LSS: variants seen among roughly 807,000 people sequenced by gnomAD.
LSS encodes 2,3-epoxysqualene-lanosterol cyclase.
Under a neutral mutation model 110.3 loss-of-function variants are expected in LSS, and 90 were observed. The observed-to-expected ratio is 0.82, with a 90% confidence interval of 0.69 to 0.97. The LOEUF (loss-of-function observed/expected upper bound fraction) is 0.97, where lower values mean the gene tolerates loss of function less well. LSS is among the 50% of genes least tolerant of loss of function. The pLI, the probability that LSS is intolerant of heterozygous loss-of-function variation, is 0.00. For synonymous variants in LSS, 433 were observed against 400.0 expected, an observed-to-expected ratio of 1.08 and a Z score of -0.98; for missense variants, 927 against 990.0, an observed-to-expected ratio of 0.94 and a Z score of 0.85.
In LSS at chr21:46,215,256, C is replaced by T. The variant is rs763440644; in HGVS notation, c.935G>A (p.Arg312Gln). 7 of 1,610,984 alleles carry T rather than the reference C, an allele frequency of 4.3e-6. No individual in the cohort carries two copies. Among genetic ancestry groups the T allele is most frequent in the Admixed American group, 1.7e-5 (1 of 59,988 alleles). ...ATACAGCTTCTGCACGGCCCGCTGC[C>T]GCAGGTGGGCACTGTGGTGGTGCTC... ...LYEHHHSAHL[R>Q]QRAVQKLYEH... The change falls in exon 9 of 22, where the codon CGG becomes CAG. Residue 312 changes from arginine to glutamine, a missense_variant. Coordinates refer to ENST00000397728, the MANE Select transcript of LSS (RefSeq NM_002340.6).
intron 19 of LSS, 124 bp downstream of exon 19, chr21:46,195,551 GA>G: frequency 1.1e-6 from 1 of 914,844 alleles, no homozygotes; most frequent in Non-Finnish European, 1.7e-6. Context: ...GACAGAGCGA[GA>G]CTCCGTCTCA....
At position 46,228,510 on chromosome 21, in the gene LSS, G is replaced by T; in HGVS notation, c.104C>A (p.Thr35Lys). The change falls in exon 2 of 22, where the codon ACG (threonine) becomes AAG (lysine). Residue 35 changes from threonine to lysine, a missense_variant. Transcript: ENST00000397728. ...WRLNCERGRQ[T>K]WTYLQDERAG... ...GCGCTCGTCCTGCAGGTAGGTCCAC[G>T]TCTGCCGGCCCCTCTCGCAGTTGAG... 6.2e-7 allele frequency: 1 copy of T among 1,602,004 alleles called. No individual in the cohort carries two copies.
chr21:46,204,351 T>A lies in LSS; in HGVS notation c.1670+1485A>T, dbSNP rs141973636. Among the ~76,000 whole-genome samples the A allele has an allele frequency of 3.5e-3, 531 of 151,112 alleles. 2 individuals are homozygous for A. Among genetic ancestry groups the A allele is most frequent in the Admixed American group, 6.6e-3 (101 of 15,218 alleles). On this transcript the variant is annotated intron_variant, in intron 17 of 21. Coordinates refer to ENST00000397728, the MANE Select transcript of LSS (RefSeq NM_002340.6). The stretch of plus-strand genomic sequence containing the variant: ...CAATAGAAATTGATGAAACCAAAAA[T>A]AAAGTCTCTTTAAAAACAGAATCAA...
chr21:46,220,078 G>A (rs2839155), intron 5 of LSS, among the ~76,000 whole-genome samples: 72,420 of 152,062 alleles, frequency 0.48, 18,083 homozygotes, highest in East Asian at 0.68. Context: ...GAGTAGCTCC[G>A]GCACGCTGGC....
chr21:46,189,762 T>C lies in LSS; in HGVS notation c.*1342A>G, dbSNP rs933376541. 6.6e-6 allele frequency: 3 copies of C among 456,628 alleles called. No homozygotes were observed. The East Asian group carries it at 2.1e-4, about 32-fold the overall frequency. The allele number at this position is 456,628 out of a possible 1,614,324, so 28.3% of individuals were successfully genotyped here. A position where few individuals can be genotyped will look rare whatever the true frequency, so the allele number is the denominator to read the frequency against. The stretch of plus-strand genomic sequence containing the variant: ...AGGCGGCAGGGAGGGGAAGAGCAGA[T>C]AAGGAGGTATAGGGTGTGCCCTGGG... On this transcript the variant is annotated 3_prime_UTR_variant, in exon 22 of 22. Coordinates refer to ENST00000397728, the MANE Select transcript of LSS (RefSeq NM_002340.6).
rs979556370 is a variant in LSS at position 46,191,246 on chromosome 21, A to C, written c.2068-11T>G. The C allele has an allele frequency of 6.2e-7, 1 of 1,613,916 alleles. No homozygotes were observed. The highest frequency in any genetic ancestry group is 1.7e-5 in the Admixed American group (1 of 60,008). On this transcript the variant is annotated splice_polypyrimidine_tract_variant and intron_variant, in intron 21 of 21. Transcript: ENST00000397728. ...CCCAGCAATGTTTTCCTAAAAGAACACAGAGAAATAAACACAAAGGCTTCA... is the reference window on the plus strand; with the variant it reads ...CCCAGCAATGTTTTCCTAAAAGAACCCAGAGAAATAAACACAAAGGCTTCA...
Position 46,202,086 on chromosome 21 carries a change from G to A in LSS, c.1670+3750C>T, listed in dbSNP as rs191009864. 8.9e-3 allele frequency among the ~76,000 whole-genome samples: 1,267 copies of A among 141,718 alleles called. 11 individuals are homozygous for A. Among genetic ancestry groups the A allele is most frequent in the Non-Finnish European group, 0.014 (911 of 64,730 alleles). The allele number at this position is 141,718 out of a possible 152,430, so 93.0% of individuals were successfully genotyped here. A position where few individuals can be genotyped will look rare whatever the true frequency, so the allele number is the denominator to read the frequency against. ...TGGGATTACAGGCGTCAGCCACTGC[G>A]CCCGGCAAGTTTAAAATCTTAATAT... On this transcript the variant is annotated intron_variant, in intron 17 of 21. Transcript: ENST00000397728.
At chr21:46,192,050 T>C (rs2079824253) in intron 20 of LSS, 91 bp from the exon 21 acceptor site, 2 of 985,480 alleles carry the variant, frequency 2.0e-6, no homozygotes, top group East Asian at 2.5e-5. Flanking sequence ...GGGCAAACCC[T>C]GGAATGCTGC....
At chr21:46,201,572 T>C (rs113377588) in intron 17 of LSS, among the ~76,000 whole-genome samples, 704 of 114,312 alleles carry the variant, frequency 6.2e-3, no homozygotes, top group Middle Eastern at 0.048. Context: ...GCCTGGATCA[T>C]GTGGGAGGAC....
intron 17 of LSS, among the ~76,000 whole-genome samples, chr21:46,202,877 A>G (rs113742175): frequency 3.2e-4 from 49 of 152,328 alleles, no homozygotes; most frequent in African/African-American, 1.2e-3. Context: ...ACCCTGCTTC[A>G]AACAAATAAA....
In LSS at chr21:46,194,588, C is replaced by T. The variant is rs1417909969; in HGVS notation, c.1891G>A (p.Glu631Lys). 2 of 1,610,870 alleles carry T rather than the reference C, an allele frequency of 1.2e-6. No homozygotes were observed. The highest frequency in any genetic ancestry group is 8.5e-7 in the Non-Finnish European group (1 of 1,177,836). The change falls in exon 20 of 22, where the codon GAG becomes AAG. Residue 631 changes from glutamate to lysine, a missense_variant. Coordinates refer to ENST00000397728, the MANE Select transcript of LSS (RefSeq NM_002340.6). ...CGCTCCTCGCAGGACTCAAAGTCCT[C>T]CCCCCAGCCTCCGTCTGCCATCTGC... Reference protein sequence around the residue: ...SRQMADGGWGEDFESCEERRY... With the variant: ...SRQMADGGWGKDFESCEERRY...
At chr21:46,228,382 G>C (rs1040681405) in intron 2 of LSS, 52 bp downstream of exon 2, 5 of 1,584,400 alleles carry the variant, frequency 3.2e-6, no homozygotes, top group African/African-American at 2.7e-5. Context: ...TGCTCCTCAC[G>C]GCTCACCCCT....
At chr21:46,212,516 C>T (rs1272828235) in intron 11 of LSS, among the ~76,000 whole-genome samples, 1 of 152,226 alleles carries the variant, frequency 6.6e-6, no homozygotes, top group Admixed American at 6.5e-5. Context: ...CAGGATCCAC[C>T]GGCCTCCCCT....
At chr21:46,222,825 C>G in intron 3 of LSS, 87 bp from the exon 4 acceptor site, 2 of 918,878 alleles carry the variant, frequency 2.2e-6, no homozygotes, top group East Asian at 5.1e-5. Flanking sequence ...CACCTCACTC[C>G]AACAGGGAGC....
chr21:46,194,369 G>A (rs1437884917), intron 20 of LSS, 122 bp downstream of exon 20: 1 of 1,188,150 alleles, frequency 8.4e-7, no homozygotes, highest in East Asian at 2.5e-5. Context: ...CAGAGTGGCA[G>A]CTGACCTGGC....
intron 3 of LSS, chr21:46,224,603 G>A (rs1057004019): frequency 1.3e-5 from 2 of 152,130 alleles, no homozygotes; most frequent in African/African-American, 4.8e-5. Context: ...TGTTAGGACG[G>A]GGAAATGTGC....
At chr21:46,191,784 T>C (rs1460004614) in intron 21 of LSS, 97 bp downstream of exon 21, 3 of 1,049,896 alleles carry the variant, frequency 2.9e-6, no homozygotes, top group African/African-American at 3.1e-5. Context: ...GTGTCCAAAG[T>C]ACCCCAAAAA....
intron 20 of LSS, 138 bp from the exon 21 acceptor site, chr21:46,192,097 C>T: frequency 5.7e-6 from 4 of 706,706 alleles, no homozygotes; most frequent in South Asian, 1.6e-5. Context: ...CGCCCACAGG[C>T]CCCGCCAGGT....
intron 18 of LSS, 45 bp from the exon 19 acceptor site, chr21:46,195,801 A>G (rs1484535832): frequency 6.6e-7 from 1 of 1,515,260 alleles, no homozygotes; most frequent in East Asian, 2.3e-5. Context: ...CCCTGTTCAC[A>G]GCCGGTGTGT....
Sources: gnomAD v4.1 joint callset for allele counts (sites outside exome capture counted in the v4.1 genomes callset) on GRCh38, gnomAD v4.1.1 for gene constraint, MANE v1.5 for transcripts, NCBI Gene and HGNC (gene_info 2026-07-23, HGNC 2026-07-21) for gene names.